CAMK2B: variants seen among roughly 807,000 people sequenced by gnomAD.
CAMK2B encodes calcium/calmodulin-dependent protein kinase type II subunit beta.
In CAMK2B, 27 loss-of-function variants were observed where a neutral mutation model predicts 93.7. The observed-to-expected ratio is 0.29, with a 90% CI of 0.21 to 0.40. The LOEUF is 0.40. CAMK2B is among the 10% of genes least tolerant of loss of function. The pLI is 1.00. For synonymous variants in CAMK2B, 374 were observed against 358.8 expected (o/e 1.04, Z -0.48); for missense variants, 568 against 895.8 (o/e 0.63, Z 4.67).
At chr7:44,244,821 C>T (rs551533872) in intron 6 of CAMK2B, 7 of 406,542 alleles carry the variant, frequency 1.7e-5, no homozygotes, top group Middle Eastern at 5.8e-4. Context: ...ACTGAGCAGG[C>T]GGGATGAGGC....
At position 44,231,108 on chromosome 7, in the gene CAMK2B, G is replaced by A. The variant is rs114345577; in HGVS notation, c.1177-54C>T. 232 of 1,444,116 alleles carry A rather than the reference G, an allele frequency of 1.6e-4. No homozygotes were observed. In the African/African-American group the frequency reaches 2.7e-3, roughly 17 times the overall value. The allele number at this position is 1,444,116 out of a possible 1,614,324, so 89.5% of individuals were successfully genotyped here. On this transcript the variant is annotated intron_variant, in intron 16 of 23. Transcript: ENST00000395749. ...GGATGCGGCCAAGGATAGGTGGGAC[G>A]TGGCTGAGGGCAGGTGGACAGGGCT...
intron 15 of CAMK2B, among the ~76,000 whole-genome samples, 156 bp downstream of exon 15, chr7:44,234,234 C>T (rs1283636146): frequency 6.6e-6 from 1 of 152,196 alleles, no homozygotes; most frequent in Non-Finnish European, 1.5e-5. Flanking sequence ...TCCACTTCAC[C>T]ACCGGTGAGG....
chr7:44,228,987 G>A lies in CAMK2B; in HGVS notation c.1340-63C>T, dbSNP rs776461764. The A allele has an allele frequency of 1.6e-4, 246 of 1,546,150 alleles. 1 individual carries two copies. Among genetic ancestry groups the A allele is most frequent in the South Asian group, 7.4e-4 (66 of 89,308 alleles). ...CAGACACACGAGGCGGCGGCAAGGC[G>A]GAGGAGGCCAGTGGGAGGGGTCCCG... On this transcript the variant is annotated intron_variant, in intron 18 of 23. Transcript: ENST00000395749.
chr7:44,284,334 C>G (rs976061023), intron 1 of CAMK2B, 109 bp from the exon 2 acceptor site: 2 of 802,616 alleles, frequency 2.5e-6, no homozygotes, highest in African/African-American at 1.7e-5. Flanking sequence ...ATTCAGCCAC[C>G]GGCCCGGCCT....
intron 2 of CAMK2B, among the ~76,000 whole-genome samples, chr7:44,270,349 G>C (rs1562967308): frequency 6.6e-6 from 1 of 152,156 alleles, no homozygotes; most frequent in Non-Finnish European, 1.5e-5. Context: ...GCTGTGTACT[G>C]TGCCAGCGTC....
At chr7:44,310,130 T>C (rs1414290871) in intron 1 of CAMK2B, among the ~76,000 whole-genome samples, 1 of 152,264 alleles carries the variant, frequency 6.6e-6, no homozygotes, top group Non-Finnish European at 1.5e-5. Flanking sequence ...TGCTGCTTTT[T>C]TCCTGCAAGC....
In CAMK2B at chr7:44,224,489, G is replaced by C. The variant is rs1246705811; in HGVS notation, c.1597+2027C>G. 1.3e-5 allele frequency among the ~76,000 whole-genome samples: 2 copies of C among 152,356 alleles called. No homozygotes were observed. The highest frequency in any genetic ancestry group is 1.9e-4 in the East Asian group (1 of 5,178). ...GGCCTGGGCTTGGAGGGGTCTGCACGAGCCAAGAGCCTCTGCAAGTCAGGC... is the reference window on the plus strand; with the variant it reads ...GGCCTGGGCTTGGAGGGGTCTGCACCAGCCAAGAGCCTCTGCAAGTCAGGC... On this transcript the variant is annotated intron_variant, in intron 20 of 23. Transcript: ENST00000395749. The surrounding 1 kb of genome is among the most constrained non-coding windows in gnomAD (Gnocchi z 4.4).
chr7:44,301,648 A>G (rs1185590437), intron 1 of CAMK2B, among the ~76,000 whole-genome samples: 1 of 152,060 alleles, frequency 6.6e-6, no homozygotes, highest in East Asian at 1.9e-4. Flanking sequence ...ATGGTGGCGC[A>G]TGCCTGTAAT....
chr7:44,298,555 A>T (rs1788948938), intron 1 of CAMK2B, among the ~76,000 whole-genome samples: 1 of 152,224 alleles, frequency 6.6e-6, no homozygotes, highest in Admixed American at 6.5e-5. Flanking sequence ...AAAATACAAA[A>T]TTTTTGTGCA....
chr7:44,245,707 G>A (rs1383479438), intron 6 of CAMK2B, among the ~76,000 whole-genome samples: 4 of 152,162 alleles, frequency 2.6e-5, no homozygotes, highest in East Asian at 3.9e-4. Flanking sequence ...CAGGGGGTAC[G>A]GTGGCGTGTA....
intron 1 of CAMK2B, among the ~76,000 whole-genome samples, chr7:44,308,016 G>T (rs1372883596): frequency 1.3e-5 from 2 of 151,986 alleles, no homozygotes; most frequent in Non-Finnish European, 2.9e-5. Context: ...AGGCCTTTTT[G>T]ACCTATAGGA....
chr7:44,305,347 A>C (rs996813339), intron 1 of CAMK2B, among the ~76,000 whole-genome samples: 7 of 152,206 alleles, frequency 4.6e-5, no homozygotes, highest in African/African-American at 1.7e-4. Flanking sequence ...AGCCAGGCAC[A>C]GTGGCTCATG....
chr7:44,243,635 C>A, intron 6 of CAMK2B, 108 bp from the exon 7 acceptor site: 1 of 804,830 alleles, frequency 1.2e-6, no homozygotes, highest in African/African-American at 1.7e-5. Context: ...TTGCAAGAGA[C>A]AGGTGCACAG....
At chr7:44,239,076 C>T (rs1192893645) in intron 13 of CAMK2B, among the ~76,000 whole-genome samples, 1 of 152,254 alleles carries the variant, frequency 6.6e-6, no homozygotes, top group African/African-American at 2.4e-5. Context: ...CCCTCACCCA[C>T]TCCAGAGCGG....
rs1314702076 is a variant in CAMK2B, at chr7:44,229,436, G to T, written c.1291C>A (p.Pro431Thr). 4.0e-6 allele frequency: 6 copies of T among 1,499,170 alleles called. No individual in the cohort carries two copies. Among genetic ancestry groups the T allele is most frequent in the Non-Finnish European group, 5.3e-6 (6 of 1,125,752 alleles). The allele number at this position is 1,499,170 out of a possible 1,614,324, so 92.9% of individuals were successfully genotyped here. A position where few individuals can be genotyped will look rare whatever the true frequency, so the allele number is the denominator to read the frequency against. ...RGSGAPEAEGPLPCPSPAPFS... is the reference protein window; with the variant it reads ...RGSGAPEAEGTLPCPSPAPFS... ...GGAGCCGGAGATGGGCAGGGCAGGG[G>T]CCCCTCGGCTTCTGGGGCTCCCGAG... The change falls in exon 18 of 24, where the codon CCC (proline) becomes ACC (threonine). Residue 431 changes from proline (P) to threonine (T), a missense_variant. By Grantham distance (38) the Pro-to-Thr change is conservative. This residue lies in a region of CAMK2B where 308 missense variants were observed against 292.1 expected (regional missense o/e 1.05). Transcript: ENST00000395749.
At chr7:44,277,195 A>G (rs1309748357) in intron 2 of CAMK2B, among the ~76,000 whole-genome samples, 8 of 152,198 alleles carry the variant, frequency 5.3e-5, no homozygotes, top group Non-Finnish European at 7.3e-5. Context: ...TAGGGGGTAG[A>G]TAACAACAAG....
intron 1 of CAMK2B, among the ~76,000 whole-genome samples, chr7:44,322,937 C>G (rs767137749): frequency 6.6e-6 from 1 of 152,218 alleles, no homozygotes; most frequent in Non-Finnish European, 1.5e-5. Context: ...GGAAGCAACA[C>G]CAACTGTGCC....
chr7:44,253,119 G>A (rs2129007003), intron 5 of CAMK2B, among the ~76,000 whole-genome samples: 1 of 152,034 alleles, frequency 6.6e-6, no homozygotes, highest in South Asian at 2.1e-4. Flanking sequence ...GCAGAGGCAA[G>A]TCACATCAAA....
intron 1 of CAMK2B, among the ~76,000 whole-genome samples, chr7:44,310,711 T>G (rs1793307777): frequency 6.6e-6 from 1 of 152,220 alleles, no homozygotes; most frequent in Non-Finnish European, 1.5e-5. Flanking sequence ...AAACACTGTC[T>G]GATTCCACTT....
Sources: allele counts gnomAD v4.1 joint callset (sites outside exome capture counted in the v4.1 genomes callset), GRCh38; gene constraint gnomAD v4.1.1; regional missense constraint gnomAD v4.1.1; non-coding constraint Gnocchi (gnomAD v3.1); transcripts MANE v1.5; gene names NCBI Gene and HGNC (gene_info 2026-07-23, HGNC 2026-07-21).